Variants in FHOD3 observed in about 807,000 individuals in gnomAD.
The protein encoded by FHOD3 is formin homology 2 domain containing 3.
In FHOD3, 90 loss-of-function variants were observed where a neutral mutation model predicts 173.0. The observed-to-expected ratio is 0.52, with a 90% confidence interval of 0.44 to 0.62. FHOD3 has a LOEUF of 0.62. Ranked by LOEUF, FHOD3 falls within the 20% of genes least tolerant of loss-of-function variation. The pLI is 0.00. For missense variants in FHOD3, 1,945 were observed against 2,034.7 expected, an observed-to-expected ratio of 0.96 and a Z score of 0.85; for synonymous variants, 828 against 823.0, an observed-to-expected ratio of 1.01 and a Z score of -0.10.
intron 21 of FHOD3, 131 bp from the exon 22 acceptor site, chr18:36,742,606 A>G (rs2041956699): frequency 3.0e-6 from 3 of 990,246 alleles, no homozygotes; most frequent in Non-Finnish European, 4.5e-6. Flanking sequence ...ACCTAGGAGC[A>G]ATGCCCATCG....
At chr18:36,632,246 TGTA>T (rs1185928420) in intron 10 of FHOD3, among the ~76,000 whole-genome samples, 1 of 152,250 alleles carries the variant, frequency 6.6e-6, no homozygotes, top group Non-Finnish European at 1.5e-5. Context: ...TCATAATTTT[TGTA>T]GTATTGAAAA....
chr18:36,766,529 T>C (rs1201045385), intron 27 of FHOD3, among the ~76,000 whole-genome samples: 2 of 152,208 alleles, frequency 1.3e-5, no homozygotes, highest in Non-Finnish European at 2.9e-5. Flanking sequence ...CCCTGATGGC[T>C]ACAGTGTGGG....
intron 3 of FHOD3, among the ~76,000 whole-genome samples, chr18:36,386,094 T>C (rs2048020157): frequency 6.6e-6 from 1 of 152,246 alleles, no homozygotes. Context: ...GCTATTCAAA[T>C]TGCACCAAAA....
intron 3 of FHOD3, among the ~76,000 whole-genome samples, chr18:36,447,390 GT>G (rs1336841139): frequency 6.6e-6 from 1 of 152,204 alleles, no homozygotes; most frequent in Non-Finnish European, 1.5e-5. Flanking sequence ...GACATGACGT[GT>G]GATTGGGCCC....
intron 20 of FHOD3, among the ~76,000 whole-genome samples, chr18:36,734,045 A>G (rs2041508534): frequency 6.6e-6 from 1 of 152,034 alleles, no homozygotes; most frequent in Non-Finnish European, 1.5e-5. Context: ...GGAGGGAGAG[A>G]CATGTATGCA....
At position 36,434,648 on chromosome 18, in the gene FHOD3, C is replaced by T. The variant is rs112350772; in HGVS notation, c.337+61904C>T. Reference sequence around the variant, plus strand: ...GAAAGTGAATCTGTAGATCAATTTGCGGAGAACTGACATCTTAATAATATT... The same window carrying T: ...GAAAGTGAATCTGTAGATCAATTTGTGGAGAACTGACATCTTAATAATATT... On this transcript the variant is annotated intron_variant, in intron 3 of 28. Transcript: ENST00000590592. Among the ~76,000 whole-genome samples, 13 of 151,944 alleles carry T rather than the reference C, an allele frequency of 8.6e-5. No individual in the cohort carries two copies. The East Asian group carries it at 1.3e-3, about 16-fold the overall frequency.
At chr18:36,346,569 C>T (rs2045888521) in intron 1 of FHOD3, among the ~76,000 whole-genome samples, 1 of 152,180 alleles carries the variant, frequency 6.6e-6, no homozygotes, top group South Asian at 2.1e-4. Context: ...TCACTCAATC[C>T]TCTAACTTTT....
intron 3 of FHOD3, among the ~76,000 whole-genome samples, chr18:36,430,187 T>C (rs967019978): frequency 6.6e-6 from 1 of 152,236 alleles, no homozygotes; most frequent in Non-Finnish European, 1.5e-5. Flanking sequence ...ATGATCTCCA[T>C]TTGCCACAAG....
At chr18:36,538,136 T>A (rs2057069136) in intron 5 of FHOD3, among the ~76,000 whole-genome samples, 1 of 152,080 alleles carries the variant, frequency 6.6e-6, no homozygotes, top group African/African-American at 2.4e-5. Context: ...GGAAAAAATA[T>A]AGAATTGAGT....
intron 5 of FHOD3, among the ~76,000 whole-genome samples, chr18:36,515,182 G>T (rs1441932962): frequency 6.6e-6 from 1 of 152,144 alleles, no homozygotes; most frequent in African/African-American, 2.4e-5. Context: ...CTCTACCTTA[G>T]TGAATATTTA....
chr18:36,448,201 G>A (rs1261028713), intron 3 of FHOD3, among the ~76,000 whole-genome samples: 1 of 152,108 alleles, frequency 6.6e-6, no homozygotes, highest in Non-Finnish European at 1.5e-5. Context: ...GCAAGTGTGA[G>A]TACACTTGTG....
At chr18:36,380,573 T>TTTCCTTTCCTTTCCTTTCCTTTCCTTTCC (rs1568196202) in intron 3 of FHOD3, among the ~76,000 whole-genome samples, 18 of 80,034 alleles carry the variant, frequency 2.2e-4, no homozygotes, top group African/African-American at 8.6e-4. Context: ...TTTTCTTTTC[T>TTTCCTTTCCTTTCCTTTCCTTTCCTTTCC]TTTCTTTTCC....
At chr18:36,651,473 C>T (rs1451720489) in intron 11 of FHOD3, among the ~76,000 whole-genome samples, 1 of 151,956 alleles carries the variant, frequency 6.6e-6, no homozygotes, top group Admixed American at 6.6e-5. Context: ...ATATATAATG[C>T]CAGGCATGGT....
intron 14 of FHOD3, among the ~76,000 whole-genome samples, chr18:36,661,498 T>C (rs1342662591): frequency 6.6e-6 from 1 of 152,190 alleles, no homozygotes; most frequent in Non-Finnish European, 1.5e-5. Flanking sequence ...CCCTGACTAA[T>C]AAACATTGTG....
chr18:36,534,257 G>T (rs74427983), intron 5 of FHOD3, among the ~76,000 whole-genome samples: 325 of 152,284 alleles, frequency 2.1e-3, no homozygotes, highest in African/African-American at 7.5e-3. Context: ...TAAGTCAGGG[G>T]TGTGGTTTCC....
At chr18:36,420,893 TGTTA>T (rs1164971963) in intron 3 of FHOD3, among the ~76,000 whole-genome samples, 16 of 152,170 alleles carry the variant, frequency 1.1e-4, no homozygotes, top group Non-Finnish European at 2.9e-5. Flanking sequence ...AGACATCTCT[TGTTA>T]GTTTTTCATT....
chr18:36,327,085 T>C (rs182408250), intron 1 of FHOD3, among the ~76,000 whole-genome samples: 2 of 152,226 alleles, frequency 1.3e-5, no homozygotes, highest in South Asian at 2.1e-4. Flanking sequence ...ATTGGGAGAT[T>C]TTCCTGCTAA....
intron 9 of FHOD3, among the ~76,000 whole-genome samples, chr18:36,616,676 T>C (rs938271212): frequency 6.6e-6 from 1 of 152,230 alleles, no homozygotes; most frequent in African/African-American, 2.4e-5. Flanking sequence ...CTCAGAAGTG[T>C]CCTGACAGCC....
intron 3 of FHOD3, among the ~76,000 whole-genome samples, chr18:36,402,231 G>T (rs895708512): frequency 1.3e-5 from 2 of 152,076 alleles, no homozygotes; most frequent in Non-Finnish European, 2.9e-5. Flanking sequence ...GAGGAAGGCT[G>T]ATCACTGCTT....
Sources: gnomAD v4.1 joint callset for allele counts (sites outside exome capture counted in the v4.1 genomes callset) on GRCh38, gnomAD v4.1.1 for gene constraint, MANE v1.5 for transcripts, NCBI Gene and HGNC (gene_info 2026-07-23, HGNC 2026-07-21) for gene names.